The following KCNMA1 variants were observed in gnomAD, a reference collection of about 807,000 sequenced individuals.
KCNMA1 encodes Calcium-activated potassium channel subunit alpha-1.
A neutral mutation model predicts 140.0 loss-of-function variants in KCNMA1; 29 were observed. That is an observed-to-expected ratio of 0.21 (90% confidence interval 0.15 to 0.28). The LOEUF (loss-of-function observed/expected upper bound fraction) is 0.28. Ranked by LOEUF, KCNMA1 falls within the 10% of genes least tolerant of loss-of-function variation. The pLI, the probability that KCNMA1 is intolerant of heterozygous loss-of-function variation, is 1.00. For synonymous variants in KCNMA1, 612 were observed against 611.9 expected (o/e 1.00, Z 0.00); for missense variants, 880 against 1,602.2 (o/e 0.55, Z 7.70).
At chr10:77,348,058 A>G (rs1566141282) in intron 2 of KCNMA1, among the ~76,000 whole-genome samples, 1 of 152,204 alleles carries the variant, frequency 6.6e-6, no homozygotes. Flanking sequence ...CAAGTGAACA[A>G]CACATCTGGA....
intron 1 of KCNMA1, among the ~76,000 whole-genome samples, chr10:77,570,794 G>A (rs996439742): frequency 2.6e-5 from 4 of 151,964 alleles, no homozygotes; most frequent in African/African-American, 9.7e-5. Flanking sequence ...AGCCAGGTGT[G>A]GTGGCACATG....
At chr10:77,346,702 G>A (rs2092215446) in intron 2 of KCNMA1, among the ~76,000 whole-genome samples, 1 of 152,108 alleles carries the variant, frequency 6.6e-6, no homozygotes, top group African/African-American at 2.4e-5. Context: ...TGTGACATTG[G>A]CACAGACTCT....
At chr10:76,945,126 G>C (rs2063564214) in intron 22 of KCNMA1, among the ~76,000 whole-genome samples, 161 bp from the exon 23 acceptor site, 1 of 152,124 alleles carries the variant, frequency 6.6e-6, no homozygotes. Context: ...TTTATGCCTT[G>C]ACATTAAGCT....
At chr10:77,447,089 G>T (rs150925911) in intron 1 of KCNMA1, among the ~76,000 whole-genome samples, 1 of 152,160 alleles carries the variant, frequency 6.6e-6, no homozygotes, top group Non-Finnish European at 1.5e-5. Context: ...CCCAGCTGTC[G>T]GTTCCTTCAG....
At chr10:77,035,195 C>A (rs1052630543) in intron 15 of KCNMA1, among the ~76,000 whole-genome samples, 7 of 152,200 alleles carry the variant, frequency 4.6e-5, no homozygotes, top group African/African-American at 1.7e-4. Context: ...TGAGAGAGCT[C>A]CCTATGGTAC....
At chr10:77,008,057 G>T in intron 18 of KCNMA1, 2 of 930,820 alleles carry the variant, frequency 2.1e-6, no homozygotes, top group Non-Finnish European at 3.3e-6. Flanking sequence ...TGATGTCACT[G>T]CTACATGCAA....
chr10:76,917,116 AG>A (rs1241695143), intron 23 of KCNMA1, among the ~76,000 whole-genome samples: 3 of 152,216 alleles, frequency 2.0e-5, no homozygotes, highest in African/African-American at 7.2e-5. Flanking sequence ...AGGATGGTGA[AG>A]GGGAAAACTA....
intron 22 of KCNMA1, among the ~76,000 whole-genome samples, chr10:76,948,160 A>G (rs543934101): frequency 7.2e-5 from 11 of 152,140 alleles, no homozygotes; most frequent in African/African-American, 2.6e-4. Context: ...ACACGCCACC[A>G]CATCAGGCTA....
At chr10:76,969,114 T>C (rs1271839027) in intron 20 of KCNMA1, among the ~76,000 whole-genome samples, 2 of 151,876 alleles carry the variant, frequency 1.3e-5, no homozygotes, top group African/African-American at 4.8e-5. Context: ...GATTGGCAGA[T>C]GAATTGAAGA....
chr10:77,488,208 G>A (rs917471019), intron 1 of KCNMA1, among the ~76,000 whole-genome samples: 3 of 152,198 alleles, frequency 2.0e-5, no homozygotes, highest in African/African-American at 7.2e-5. Context: ...TGAGCCAACA[G>A]GAAGAAAGGC....
rs113242058 is a variant in KCNMA1, at chr10:77,444,484, T to C, written c.379-40461A>G. On this transcript the variant is annotated intron_variant, in intron 1 of 27. Transcript: ENST00000286628. ...CCTAAATAGCAACTAATGACTTTGA[T>C]TGAAATTAATAATGAAACGACACCT... Among the ~76,000 whole-genome samples, 1,414 of 152,310 alleles carry C rather than the reference T, an allele frequency of 9.3e-3. 26 individuals carry two copies. The highest frequency in any genetic ancestry group is 0.032 in the African/African-American group (1,338 of 41,570).
rs2097761502 is a variant in KCNMA1, at chr10:77,127,181, CATT to C, written c.809-6136_809-6134del. Among the ~76,000 whole-genome samples the C allele has an allele frequency of 2.6e-5, 4 of 151,466 alleles. No individual in the cohort carries two copies. The South Asian group carries it at 8.3e-4, about 32-fold the overall frequency. ...GGTGAAATGATGATGTTGACAATGA[CATT>C]AATCTATTATTATTGATGATATCTA... is the stretch of plus-strand genomic sequence containing the variant. On this transcript the variant is annotated intron_variant, in intron 5 of 27. Transcript: ENST00000286628.
At chr10:77,172,303 C>T (rs980096186) in intron 5 of KCNMA1, among the ~76,000 whole-genome samples, 4 of 152,126 alleles carry the variant, frequency 2.6e-5, no homozygotes, top group Non-Finnish European at 2.9e-5. Context: ...CTGCTGAATT[C>T]GTTCCTTGAA....
intron 22 of KCNMA1, among the ~76,000 whole-genome samples, chr10:76,947,501 C>A (rs1220551621): frequency 6.6e-6 from 1 of 152,104 alleles, no homozygotes; most frequent in South Asian, 2.1e-4. Context: ...AAATAATAAA[C>A]CCTTTACAAA....
intron 2 of KCNMA1, among the ~76,000 whole-genome samples, chr10:77,365,683 T>C (rs761057210): frequency 6.6e-6 from 1 of 152,166 alleles, no homozygotes; most frequent in Non-Finnish European, 1.5e-5. Context: ...TCCATCCTTT[T>C]ATAGTGCCGC....
At chr10:77,039,470 C>CA (rs2094526696) in intron 15 of KCNMA1, 58 bp downstream of exon 15, 1 of 1,016,640 alleles carries the variant, frequency 9.8e-7, no homozygotes, top group Non-Finnish European at 1.6e-6. Context: ...GGCTTCCTTG[C>CA]AAGGGGCACA....
intron 2 of KCNMA1, among the ~76,000 whole-genome samples, chr10:77,390,837 C>CTT (rs138837467): frequency 8.7e-5 from 13 of 149,392 alleles, no homozygotes; most frequent in African/African-American, 2.7e-4. Flanking sequence ...TGAAATGCCA[C>CTT]TTTTTTTTTT....
intron 2 of KCNMA1, among the ~76,000 whole-genome samples, chr10:77,293,055 C>G (rs1437816885): frequency 6.6e-6 from 1 of 152,084 alleles, no homozygotes; most frequent in African/African-American, 2.4e-5. Flanking sequence ...GCAGAGGGAA[C>G]AGTAGGTCAA....
intron 2 of KCNMA1, among the ~76,000 whole-genome samples, chr10:77,346,907 C>T (rs1376818389): frequency 1.3e-5 from 2 of 152,184 alleles, no homozygotes; most frequent in Admixed American, 1.3e-4. Context: ...GCCCATTGCC[C>T]GACTGCCCTG....
Sources: allele counts gnomAD v4.1 joint callset (sites outside exome capture counted in the v4.1 genomes callset), GRCh38; gene constraint gnomAD v4.1.1; transcripts MANE v1.5; gene names NCBI Gene and HGNC (gene_info 2026-07-23, HGNC 2026-07-21).